Variants in HYDIN observed in about 807,000 individuals in gnomAD.
The protein encoded by HYDIN is axonemal central pair apparatus protein HYDIN.
In HYDIN, 132 loss-of-function variants were observed where a neutral mutation model predicts 403.9. The observed-to-expected ratio is 0.33, with a 90% CI of 0.28 to 0.38. The LOEUF (loss-of-function observed/expected upper bound fraction) is 0.38, where lower values mean the gene tolerates loss of function less well. Ranked by LOEUF, HYDIN falls within the 10% of genes least tolerant of loss-of-function variation. The pLI is 1.00. For synonymous variants in HYDIN, 1,202 were observed against 1,891.7 expected, an observed-to-expected ratio of 0.64 and a Z score of 9.46; for missense variants, 2,827 against 5,009.5, an observed-to-expected ratio of 0.56 and a Z score of 13.15.
At chr16:71,158,939 C>T (rs114501557) in intron 6 of HYDIN, among the ~76,000 whole-genome samples, 35,516 of 106,608 alleles carry the variant, frequency 0.33, 6,354 homozygotes, top group East Asian at 0.54. Context: ...GCTCCACTCG[C>T]CTTGGCCTCC....
At chr16:71,106,312 C>A (rs190412930) in intron 10 of HYDIN, among the ~76,000 whole-genome samples, 4 of 152,268 alleles carry the variant, frequency 2.6e-5, no homozygotes, top group African/African-American at 7.2e-5. Context: ...CTTGCATGCC[C>A]AGCCTTTGTT....
chr16:70,951,248 C>CAGAGAGAGAGAGAGAG (rs376262243), intron 41 of HYDIN, among the ~76,000 whole-genome samples: 8 of 130,400 alleles, frequency 6.1e-5, no homozygotes, highest in African/African-American at 1.6e-4. Flanking sequence ...GGAAAAGGGA[C>CAGAGAGAGAGAGAGAG]AGAGAGAGAG....
At chr16:71,149,756 G>A (rs893108764) in intron 7 of HYDIN, among the ~76,000 whole-genome samples, 8 of 152,152 alleles carry the variant, frequency 5.3e-5, no homozygotes, top group Non-Finnish European at 1.0e-4. Flanking sequence ...TCAAACTCCT[G>A]AGCTCAAGCA....
intron 13 of HYDIN, chr16:71,075,952 G>C (rs1224064475): frequency 9.9e-6 from 4 of 402,814 alleles, no homozygotes; most frequent in Non-Finnish European, 2.0e-5. Flanking sequence ...ACGCTGAAAG[G>C]GAATCAGTAC....
chr16:70,921,575 A>G (rs1455889191), intron 45 of HYDIN, among the ~76,000 whole-genome samples: 1 of 152,198 alleles, frequency 6.6e-6, no homozygotes, highest in Non-Finnish European at 1.5e-5. Flanking sequence ...GCCCTGGGAT[A>G]GGCCACAGCG....
At chr16:70,884,929 T>C (rs2041042048) in intron 58 of HYDIN, among the ~76,000 whole-genome samples, 1 of 152,264 alleles carries the variant, frequency 6.6e-6, no homozygotes, top group African/African-American at 2.4e-5. Context: ...ACATTTCCTC[T>C]GGAGCACAAA....
At chr16:70,989,921 C>T (rs185019794) in intron 25 of HYDIN, among the ~76,000 whole-genome samples, 2 of 152,262 alleles carry the variant, frequency 1.3e-5, no homozygotes, top group East Asian at 3.9e-4. Context: ...CAGAGATATT[C>T]CACGCACAAG....
At chr16:71,096,129 G>A (rs1037810922) in intron 10 of HYDIN, among the ~76,000 whole-genome samples, 4 of 151,970 alleles carry the variant, frequency 2.6e-5, no homozygotes, top group African/African-American at 7.3e-5. Flanking sequence ...TACTATTATC[G>A]AACATGTATC....
At chr16:71,019,847 A>T (rs1206016500) in intron 22 of HYDIN, among the ~76,000 whole-genome samples, 1 of 152,266 alleles carries the variant, frequency 6.6e-6, no homozygotes, top group East Asian at 1.9e-4. Context: ...CCATATTTGA[A>T]TTTTTTCTCA....
At chr16:70,902,821 A>ATTTTTTT (rs60618592) in intron 52 of HYDIN, among the ~76,000 whole-genome samples, 10 of 47,304 alleles carry the variant, frequency 2.1e-4, no homozygotes, top group African/African-American at 1.2e-3. Context: ...ATATATATAT[A>ATTTTTTT]TTTTTTTTTT....
intron 21 of HYDIN, among the ~76,000 whole-genome samples, chr16:71,022,323 T>C (rs1284052860): frequency 6.6e-6 from 1 of 152,184 alleles, no homozygotes; most frequent in Non-Finnish European, 1.5e-5. Flanking sequence ...TCTCCAAATA[T>C]CAGCAGACAG....
chr16:71,057,564 A>G (rs1032741274), intron 18 of HYDIN, among the ~76,000 whole-genome samples: 1 of 152,150 alleles, frequency 6.6e-6, no homozygotes, highest in African/African-American at 2.4e-5. Context: ...CAATAATTTG[A>G]CGGTAGGCAG....
At chr16:71,230,470 AG>A (rs2041232206) in intron 1 of HYDIN, 91 bp downstream of exon 1, 8 of 1,398,858 alleles carry the variant, frequency 5.7e-6, no homozygotes, top group Non-Finnish European at 7.5e-6. Context: ...CCTGGGACGC[AG>A]GGCGAGGACG....
At chr16:71,065,139 C>T (rs192355854) in intron 15 of HYDIN, among the ~76,000 whole-genome samples, 41 of 152,170 alleles carry the variant, frequency 2.7e-4, no homozygotes, top group Middle Eastern at 3.4e-3. Flanking sequence ...GTCCCCATGG[C>T]GCAAGATCCA....
intron 23 of HYDIN, among the ~76,000 whole-genome samples, chr16:71,000,925 C>T (rs2079686590): frequency 2.0e-5 from 3 of 152,104 alleles, no homozygotes; most frequent in African/African-American, 7.2e-5. Flanking sequence ...GGCTCATGAG[C>T]GCGGACATTG....
At chr16:70,918,669 T>C (rs1240354547) in intron 46 of HYDIN, among the ~76,000 whole-genome samples, 2 of 152,034 alleles carry the variant, frequency 1.3e-5, no homozygotes, top group African/African-American at 4.8e-5. Flanking sequence ...AGTACAGAGT[T>C]TTTCCATCTA....
At chr16:70,960,765 C>CA (rs1377918747) in intron 38 of HYDIN, among the ~76,000 whole-genome samples, 61 of 152,304 alleles carry the variant, frequency 4.0e-4, no homozygotes, top group African/African-American at 1.4e-3. Context: ...AATCTTGGCT[C>CA]ACTGCAACCT....
chr16:70,907,256 G>A (rs1291418923), intron 50 of HYDIN, 116 bp downstream of exon 50: 1 of 544,628 alleles, frequency 1.8e-6, no homozygotes, highest in Non-Finnish European at 3.3e-6. Flanking sequence ...TGTGGTTGGG[G>A]CTAAGAGAGG....
Position 70,832,830 on chromosome 16 carries a change from C to T in HYDIN, c.13899+18G>A, listed in dbSNP as rs765215964. 1.6e-5 allele frequency: 25 copies of T among 1,597,174 alleles called. No individual in the cohort carries two copies. The highest frequency in any genetic ancestry group is 2.1e-5 in the Non-Finnish European group (24 of 1,168,018). Reference sequence around the variant, plus strand: ...GGTCACTCCTGCCACTGGGCCACCCCGGGCAGCAGCTACTAACCTCTTTTA... The same window carrying T: ...GGTCACTCCTGCCACTGGGCCACCCTGGGCAGCAGCTACTAACCTCTTTTA... On this transcript the variant is annotated intron_variant, in intron 80 of 85. Coordinates refer to ENST00000393567, the MANE Select transcript of HYDIN (RefSeq NM_001270974.2).
Sources: allele counts gnomAD v4.1 joint callset (sites outside exome capture counted in the v4.1 genomes callset), GRCh38; gene constraint gnomAD v4.1.1; transcripts MANE v1.5; gene names NCBI Gene and HGNC (gene_info 2026-07-23, HGNC 2026-07-21).